Variants in POLA1 observed in about 807,000 individuals in gnomAD.
The protein encoded by POLA1 is DNA polymerase alpha 1, catalytic subunit, also known as DNA polymerase alpha catalytic subunit.
Under a neutral mutation model 124.0 loss-of-function variants are expected in POLA1, and 15 were observed. That is an observed-to-expected ratio of 0.12 (90% CI 0.08 to 0.19). The LOEUF is 0.19. Among genes scored for constraint, POLA1 ranks in the 10% least tolerant of loss-of-function variants. The pLI is 1.00. For synonymous variants in POLA1, 408 were observed against 389.4 expected (o/e 1.05, Z -0.56); for missense variants, 886 against 1,103.4 (o/e 0.80, Z 2.79).
intron 20 of POLA1, among the ~76,000 whole-genome samples, chrX:24,741,148 C>CGT (rs1931627703): frequency 2.9e-5 from 1 of 33,976 alleles, no homozygotes; most frequent in Non-Finnish European, 7.5e-5. Flanking sequence ...TGTGTGTGTG[C>CGT]GCGCGTGTGT....
intron 36 of POLA1, among the ~76,000 whole-genome samples, chrX:24,973,023 G>A (rs765936883): frequency 8.9e-6 from 1 of 112,126 alleles, no homozygotes; most frequent in Non-Finnish European, 1.9e-5. Flanking sequence ...TGTGGGTAAG[G>A]TATGTTGGCA....
At chrX:24,983,237 G>A (rs1456296942) in intron 36 of POLA1, among the ~76,000 whole-genome samples, 1 of 112,166 alleles carries the variant, frequency 8.9e-6, no homozygotes, top group African/African-American at 3.2e-5. Flanking sequence ...TAGGCACTCA[G>A]TAAATATTTG....
chrX:24,918,609 G>A (rs776709959), intron 35 of POLA1, among the ~76,000 whole-genome samples: 1 of 112,133 alleles, frequency 8.9e-6, no homozygotes, highest in East Asian at 2.8e-4. Flanking sequence ...GTTAGATGCT[G>A]TCTTTATTTA....
intron 35 of POLA1, among the ~76,000 whole-genome samples, chrX:24,915,746 C>A (rs1374485575): frequency 8.9e-6 from 1 of 111,747 alleles, no homozygotes; most frequent in Non-Finnish European, 1.9e-5. Flanking sequence ...TTATTGAATA[C>A]CTTCTATATG....
At chrX:24,862,087 A>G (rs2046723714) in intron 34 of POLA1, among the ~76,000 whole-genome samples, 1 of 111,833 alleles carries the variant, frequency 8.9e-6, no homozygotes, top group Non-Finnish European at 1.9e-5. Context: ...GCTGTGTAAA[A>G]GAAATACTGC....
chrX:24,932,042 G>T (rs2047789994), intron 36 of POLA1, among the ~76,000 whole-genome samples: 1 of 112,033 alleles, frequency 8.9e-6, no homozygotes, highest in Non-Finnish European at 1.9e-5. Flanking sequence ...GGGATTATAG[G>T]CATGTGCCAC....
intron 34 of POLA1, among the ~76,000 whole-genome samples, chrX:24,878,587 A>C (rs763242626): frequency 9.0e-6 from 1 of 111,059 alleles, no homozygotes; most frequent in Non-Finnish European, 1.9e-5. Flanking sequence ...TATTCAAATC[A>C]TATTCCATAA....
intron 26 of POLA1, among the ~76,000 whole-genome samples, chrX:24,795,300 A>T (rs1016329595): frequency 9.0e-6 from 1 of 111,536 alleles, no homozygotes; most frequent in Non-Finnish European, 1.9e-5. Flanking sequence ...TCACTAAGAG[A>T]AACACACTTA....
At chrX:24,815,237 C>A in intron 30 of POLA1, 126 bp downstream of exon 30, 1 of 608,233 alleles carries the variant, frequency 1.6e-6, no homozygotes, top group Non-Finnish European at 2.5e-6. Flanking sequence ...AGCTGCTTAA[C>A]AACTATCTCA....
At chrX:24,955,267 A>G (rs1210525713) in intron 36 of POLA1, among the ~76,000 whole-genome samples, 1 of 107,709 alleles carries the variant, frequency 9.3e-6, no homozygotes, top group East Asian at 2.9e-4. Context: ...GGGCTCTAGC[A>G]GTCTTCCTGC....
intron 10 of POLA1, 52 bp downstream of exon 10, chrX:24,717,810 C>T: frequency 5.2e-6 from 4 of 775,835 alleles, no homozygotes; most frequent in African/African-American, 2.1e-5. Flanking sequence ...AGGACTTTTC[C>T]CTTAAATATT....
At chrX:24,821,656 C>T in intron 31 of POLA1, 73 bp downstream of exon 31, 2 of 802,153 alleles carry the variant, frequency 2.5e-6, no homozygotes, top group Non-Finnish European at 3.6e-6. Flanking sequence ...ACCACAGTGT[C>T]TTATTTAGCA....
intron 34 of POLA1, among the ~76,000 whole-genome samples, chrX:24,872,459 CT>C (rs2046878561): frequency 2.7e-5 from 3 of 111,874 alleles, no homozygotes; most frequent in Non-Finnish European, 5.6e-5. Context: ...AGCATATATT[CT>C]TGGCTAGGAC....
chrX:24,806,138 A>G (rs1406786805), intron 26 of POLA1, among the ~76,000 whole-genome samples: 1 of 85,175 alleles, frequency 1.2e-5, no homozygotes, highest in African/African-American at 4.7e-5. Flanking sequence ...AATGAAAAGA[A>G]AGTGAAACAT....
chrX:24,947,159 A>G (rs1447914562), intron 36 of POLA1, among the ~76,000 whole-genome samples: 3 of 108,392 alleles, frequency 2.8e-5, no homozygotes, highest in Middle Eastern at 4.8e-3. Flanking sequence ...TCATACTTCA[A>G]ATGAGGACTG....
intron 26 of POLA1, among the ~76,000 whole-genome samples, chrX:24,773,414 A>G (rs112157005): frequency 0.01 from 1,164 of 111,905 alleles, 18 homozygotes; most frequent in African/African-American, 0.036. Flanking sequence ...AGTGAGAAGG[A>G]TGGCTATAAG....
chrX:24,821,502 T>C lies in POLA1; in HGVS notation c.3480T>C (p.His1160=). 1 of 1,200,508 alleles carries C rather than the reference T, an allele frequency of 8.3e-7. No homozygotes were observed. Among genetic ancestry groups the C allele is most frequent in the Non-Finnish European group, 1.1e-6 (1 of 885,402 alleles). Residue 1160 remains histidine (H), a synonymous_variant, in exon 31 of 37, where the codon CAT becomes CAC. Coordinates refer to ENST00000379068, the MANE Select transcript of POLA1 (RefSeq NM_001330360.2). ...ACCCTGATAAAAAAAGCCTACCTCA[T>C]GTACATGTTGCCCTCTGGATAAATT... The part of the protein sequence containing the change: ...QDYPDKKSLP[H]VHVALWINSQ...
intron 10 of POLA1, among the ~76,000 whole-genome samples, chrX:24,719,204 A>G (rs1930043664): frequency 9.0e-6 from 1 of 110,523 alleles, no homozygotes; most frequent in Admixed American, 9.7e-5. Flanking sequence ...CAGCAAAGCA[A>G]GCGTGTGAGT....
At chrX:24,694,088 C>G in intron 1 of POLA1, 84 bp downstream of exon 1, 1 of 950,672 alleles carries the variant, frequency 1.1e-6, no homozygotes, top group Non-Finnish European at 1.4e-6. Context: ...GAGGCGCACA[C>G]CCGGGTTTGT....
Sources: gnomAD v4.1 joint callset for allele counts (sites outside exome capture counted in the v4.1 genomes callset) on GRCh38, gnomAD v4.1.1 for gene constraint, MANE v1.5 for transcripts, NCBI Gene and HGNC (gene_info 2026-07-23, HGNC 2026-07-21) for gene names.